TOR1AIP1: variants seen among roughly 807,000 people sequenced by gnomAD.
The protein encoded by TOR1AIP1 is torsin-1A-interacting protein 1.
In TOR1AIP1, 54 loss-of-function variants were observed where a neutral mutation model predicts 63.3. The ratio of observed to expected loss-of-function variants is 0.85; its 90% CI spans 0.69 to 1.07. The LOEUF (loss-of-function observed/expected upper bound fraction) is 1.07. Ranked by LOEUF, TOR1AIP1 falls within the 50% of genes least tolerant of loss-of-function variation. The pLI, the probability that TOR1AIP1 is intolerant of heterozygous loss-of-function variation, is 0.00. For missense variants in TOR1AIP1, 736 were observed against 715.0 expected (o/e 1.03, Z -0.33); for synonymous variants, 294 against 273.5 (o/e 1.07, Z -0.74).
rs761664196 is a variant in TOR1AIP1 at position 179,917,526 on chromosome 1, C to G, written c.1039C>G (p.Leu347Val). The G allele has an allele frequency of 1.4e-5, 22 of 1,613,934 alleles. No homozygotes were observed. Among genetic ancestry groups the G allele is most frequent in the Non-Finnish European group, 1.8e-5 (21 of 1,180,038 alleles). ...RWWLLPLIAA[L>V]ASGSFWFFST... is the part of the protein sequence containing the mutation. ...GTGGCTACTTCCTCTGATAGCTGCT[C>G]TTGCCTCTGGGAGTTTTTGGTTCTT... The change falls in exon 10 of 10, where the codon CTT (leucine) becomes GTT (valine). Residue 347 changes from leucine (L) to valine (V), a missense_variant. By Grantham distance (32) the Leu-to-Val change is conservative. Coordinates refer to ENST00000606911, the MANE Select transcript of TOR1AIP1 (RefSeq NM_015602.4).
chr1:179,899,259 A>AT (rs11332159), intron 3 of TOR1AIP1, among the ~76,000 whole-genome samples: 2 of 148,288 alleles, frequency 1.3e-5, no homozygotes, highest in African/African-American at 5.0e-5. Context: ...ACATCTCACT[A>AT]TTTTTTTTTT....
chr1:179,911,986 TTTTTTTTTCTTTTTTC>T (rs1648851314), intron 8 of TOR1AIP1, among the ~76,000 whole-genome samples: 1 of 122,386 alleles, frequency 8.2e-6, no homozygotes, highest in African/African-American at 3.0e-5. Flanking sequence ...TTTTTTTCTT[TTTTTTTTTCTTTTTTC>T]TTTTTTTTCT....
At chr1:179,902,978 C>T (rs1032853792) in intron 5 of TOR1AIP1, among the ~76,000 whole-genome samples, 2 of 151,784 alleles carry the variant, frequency 1.3e-5, no homozygotes, top group African/African-American at 2.4e-5. Context: ...CGCACTTCAG[C>T]CTGGGCAACA....
chr1:179,889,333 A>T lies in TOR1AIP1; in HGVS notation c.574A>T (p.Arg192Trp), dbSNP rs138148778. The part of the protein sequence containing the change: ...EAPVSEDLVI[R>W]LRRPPLRYPR... The stretch of plus-strand genomic sequence containing the variant: ...AGCAGTGAGTGAAGATCTTGTAATC[A>T]GGTTACGTCGACCCCCTCTAAGATA... The change falls in exon 3 of 10, where the codon AGG becomes TGG. Residue 192 changes from arginine (R) to tryptophan (W), a missense_variant. Around this residue, in one of 2 missense-constraint regions of TOR1AIP1, gnomAD observed 464 missense variants for 371.0 expected, o/e 1.25. Coordinates refer to ENST00000606911, the MANE Select transcript of TOR1AIP1 (RefSeq NM_015602.4). The T allele has an allele frequency of 3.1e-6, 5 of 1,606,858 alleles. No individual in the cohort carries two copies. The highest frequency in any genetic ancestry group is 4.3e-6 in the Non-Finnish European group (5 of 1,174,974).
Position 179,882,931 on chromosome 1 carries a change from T to C in TOR1AIP1, c.429T>C (p.Ser143=). 1 of 1,613,964 alleles carries C rather than the reference T, an allele frequency of 6.2e-7. No homozygotes were observed. Among genetic ancestry groups the C allele is most frequent in the Non-Finnish European group, 8.5e-7 (1 of 1,180,006 alleles). The change falls in exon 1 of 10, where the codon TCT becomes TCC. Residue 143 remains serine (S), a synonymous_variant. Coordinates refer to ENST00000606911, the MANE Select transcript of TOR1AIP1 (RefSeq NM_015602.4). ...CAGAGCAGCCTCCGCTACAGCCGTC[T>C]CCTGTTATGACCAGGAGAGGGCTGC... is the stretch of plus-strand genomic sequence containing the variant. ...QHSEQPPLQP[S]PVMTRRGLRD... is the part of the protein sequence containing the mutation.
At chr1:179,916,089 A>G (rs1020945361) in intron 9 of TOR1AIP1, among the ~76,000 whole-genome samples, 27 of 152,192 alleles carry the variant, frequency 1.8e-4, no homozygotes, top group African/African-American at 6.3e-4. Context: ...AATAAGATAA[A>G]TAATTAACTG....
Position 179,916,893 on chromosome 1 carries a change from G to A in TOR1AIP1, c.965-559G>A, listed in dbSNP as rs190639805. Among the ~76,000 whole-genome samples, 4 of 151,522 alleles carry A rather than the reference G, an allele frequency of 2.6e-5. No individual in the cohort carries two copies. In the East Asian group the frequency reaches 5.8e-4, roughly 22 times the overall value. ...AGTTTTTTGTATTTTCAGTAGAGAC[G>A]GGGTTTCACAGTCTCGATCTCCTGA... On this transcript the variant is annotated intron_variant, in intron 9 of 9. Coordinates refer to ENST00000606911, the MANE Select transcript of TOR1AIP1 (RefSeq NM_015602.4).
Position 179,917,539 on chromosome 1 carries a change from G to C in TOR1AIP1, c.1052G>C (p.Ser351Thr), listed in dbSNP as rs1649057993. The change falls in exon 10 of 10, where the codon AGT (serine) becomes ACT (threonine). Residue 351 changes from serine to threonine, a missense_variant. Coordinates refer to ENST00000606911, the MANE Select transcript of TOR1AIP1 (RefSeq NM_015602.4). ...LPLIAALASG[S>T]FWFFSTPEVE... ...CTGATAGCTGCTCTTGCCTCTGGGA[G>C]TTTTTGGTTCTTTAGTACTCCTGAG... 5 of 1,614,132 alleles carry C rather than the reference G, an allele frequency of 3.1e-6. No individual in the cohort carries two copies. The highest frequency in any genetic ancestry group is 4.2e-6 in the Non-Finnish European group (5 of 1,180,032).
intron 8 of TOR1AIP1, among the ~76,000 whole-genome samples, chr1:179,909,074 T>C (rs1241503988): frequency 1.3e-5 from 2 of 151,836 alleles, no homozygotes; most frequent in Admixed American, 1.3e-4. Context: ...AGCAGGAGAA[T>C]GGTGTGAACC....
chr1:179,908,230 G>A (rs548830138), intron 7 of TOR1AIP1, among the ~76,000 whole-genome samples: 5 of 151,832 alleles, frequency 3.3e-5, no homozygotes, highest in African/African-American at 1.2e-4. Flanking sequence ...TTCTAACCTT[G>A]CCTTATTCTC....
chr1:179,908,068 C>A (rs1648710834), intron 7 of TOR1AIP1, among the ~76,000 whole-genome samples: 1 of 151,866 alleles, frequency 6.6e-6, no homozygotes, highest in South Asian at 2.1e-4. Flanking sequence ...GCCACCACGC[C>A]CGGCTAATTT....
intron 7 of TOR1AIP1, 81 bp from the exon 8 acceptor site, chr1:179,908,520 TGATA>T: frequency 9.1e-7 from 1 of 1,102,918 alleles, no homozygotes. Context: ...TTTGTCTTTC[TGATA>T]GATTAATTTT....
intron 3 of TOR1AIP1, among the ~76,000 whole-genome samples, chr1:179,898,505 G>A (rs1648352286): frequency 6.6e-6 from 1 of 152,078 alleles, no homozygotes; most frequent in Non-Finnish European, 1.5e-5. Context: ...TAATAATTAT[G>A]CACTTAGATA....
In TOR1AIP1 at chr1:179,917,759, T is replaced by A; in HGVS notation, c.1272T>A (p.Cys424Ter). 6.2e-7 allele frequency: 1 copy of A among 1,614,198 alleles called. No individual in the cohort carries two copies. Among genetic ancestry groups the A allele is most frequent in the East Asian group, 2.2e-5 (1 of 44,888 alleles). ...AARDAEEALRCLSEQIADAYS... is the reference protein window; with the variant it reads ...AARDAEEALR ...GAGATGCTGAAGAAGCACTTAGGTG[T>A]CTGAGTGAACAAATTGCTGATGCCT... is the stretch of plus-strand genomic sequence containing the variant. The change falls in exon 10 of 10, where the codon TGT becomes TGA. Residue 424 changes from cysteine (C) to a stop codon, truncating the protein, a stop_gained. Transcript: ENST00000606911. LOFTEE classifies it high-confidence loss of function.
rs200022019 is a variant in TOR1AIP1 at position 179,889,368 on chromosome 1, T to C, written c.609T>C (p.Tyr203=). Residue 203 remains tyrosine (Y), a splice_region_variant and synonymous_variant, in exon 3 of 10, where the codon TAT becomes TAC. Coordinates refer to ENST00000606911, the MANE Select transcript of TOR1AIP1 (RefSeq NM_015602.4). ...GACCCCCTCTAAGATACCCAAGATA[T>C]GGTAAGAGATTGTTTGTCTGTTGGT... ...LRRPPLRYPR[Y]EATSVQQKVN... is the part of the protein sequence containing the mutation. 117 of 1,605,266 alleles carry C rather than the reference T, an allele frequency of 7.3e-5. 2 individuals carry two copies. The South Asian group carries it at 1.2e-3, about 16-fold the overall frequency.
At chr1:179,906,732 TCC>T (rs58237159) in intron 6 of TOR1AIP1, among the ~76,000 whole-genome samples, 1,175 of 112,652 alleles carry the variant, frequency 0.01, 30 homozygotes, top group African/African-American at 0.035. Flanking sequence ...CAATTTTGGT[TCC>T]CCCCCCCCCT....
intron 8 of TOR1AIP1, among the ~76,000 whole-genome samples, chr1:179,911,814 A>C (rs747032715): frequency 6.6e-6 from 1 of 152,100 alleles, no homozygotes; most frequent in Non-Finnish European, 1.5e-5. Context: ...CAATTTTTTA[A>C]AGTCTAAAAT....
At chr1:179,904,239 A>G (rs964247798) in intron 6 of TOR1AIP1, among the ~76,000 whole-genome samples, 1 of 152,242 alleles carries the variant, frequency 6.6e-6, no homozygotes, top group Non-Finnish European at 1.5e-5. Context: ...AAAACAAACA[A>G]AAAACTACTA....
Position 179,917,862 on chromosome 1 carries a change from C to G in TOR1AIP1, c.1375C>G (p.Leu459Val). 1 of 1,614,178 alleles carries G rather than the reference C, an allele frequency of 6.2e-7. No homozygotes were observed. The highest frequency in any genetic ancestry group is 8.5e-7 in the Non-Finnish European group (1 of 1,180,046). Residue 459 changes from leucine to valine, a missense_variant, in exon 10 of 10, where the codon CTA (leucine) becomes GTA (valine). Physicochemically the swap from Leu to Val is conservative, Grantham distance 32 (BLOSUM62 1). Coordinates refer to ENST00000606911, the MANE Select transcript of TOR1AIP1 (RefSeq NM_015602.4). Reference sequence around the variant, plus strand: ...TACTCAAGACAGTGATACTGTCAAACTAGAGGTAGACCAAGAACTGAGCAA... The same window carrying G: ...TACTCAAGACAGTGATACTGTCAAAGTAGAGGTAGACCAAGAACTGAGCAA... Reference protein sequence around the residue: ...KATQDSDTVKLEVDQELSNGF... With the variant: ...KATQDSDTVKVEVDQELSNGF...
Sources: gnomAD v4.1 joint callset for allele counts (sites outside exome capture counted in the v4.1 genomes callset) on GRCh38, gnomAD v4.1.1 for gene constraint, gnomAD v4.1.1 regional missense constraint, MANE v1.5 for transcripts, NCBI Gene and HGNC (gene_info 2026-07-23, HGNC 2026-07-21) for gene names.